CTNNA3: variants seen among roughly 807,000 people sequenced by gnomAD.
The protein encoded by CTNNA3 is catenin alpha 3, also known as catenin alpha-3.
A neutral mutation model predicts 95.7 loss-of-function variants in CTNNA3; 76 were observed. That is an observed-to-expected ratio of 0.79 (90% CI 0.66 to 0.96). CTNNA3 has a LOEUF of 0.96. Ranked by LOEUF, CTNNA3 falls within the 40% of genes least tolerant of loss-of-function variation. CTNNA3 has a pLI of 0.00. For synonymous variants in CTNNA3, 431 were observed against 374.4 expected (o/e 1.15, Z -1.74); for missense variants, 1,191 against 1,089.8 (o/e 1.09, Z -1.31).
intron 6 of CTNNA3, among the ~76,000 whole-genome samples, chr10:67,201,468 T>TA (rs1308084460): frequency 6.6e-6 from 1 of 152,006 alleles, no homozygotes; most frequent in African/African-American, 2.4e-5. Flanking sequence ...TTTTTATTAT[T>TA]TTTTTATTAT....
At chr10:65,947,108 G>GTTT (rs1564532074) in intron 17 of CTNNA3, among the ~76,000 whole-genome samples, 1 of 147,998 alleles carries the variant, frequency 6.8e-6, no homozygotes. Context: ...TTTTTTTGTA[G>GTTT]AATTCATCCA....
chr10:66,041,592 A>C (rs1449371017), intron 15 of CTNNA3, among the ~76,000 whole-genome samples: 1 of 152,218 alleles, frequency 6.6e-6, no homozygotes, highest in African/African-American at 2.4e-5. Flanking sequence ...AATAAAATGA[A>C]GGATGAGCAG....
At chr10:65,933,790 C>T (rs1370013324) in intron 17 of CTNNA3, among the ~76,000 whole-genome samples, 4 of 152,096 alleles carry the variant, frequency 2.6e-5, no homozygotes, top group Non-Finnish European at 5.9e-5. Context: ...GCCCATTTTT[C>T]CTTGATAATG....
intron 17 of CTNNA3, among the ~76,000 whole-genome samples, chr10:65,921,600 C>T (rs1286084099): frequency 1.3e-5 from 2 of 152,248 alleles, no homozygotes; most frequent in Admixed American, 1.3e-4. Flanking sequence ...GTGAACCTCA[C>T]TTCCACTGGT....
intron 13 of CTNNA3, among the ~76,000 whole-genome samples, chr10:66,138,511 T>C (rs932296336): frequency 6.6e-6 from 1 of 152,182 alleles, no homozygotes; most frequent in African/African-American, 2.4e-5. Context: ...ATTTTGCTCA[T>C]TTGATGATAA....
At chr10:66,027,744 A>C (rs960128347) in intron 15 of CTNNA3, among the ~76,000 whole-genome samples, 2 of 152,174 alleles carry the variant, frequency 1.3e-5, no homozygotes, top group Admixed American at 1.3e-4. Context: ...CATAGCAAAA[A>C]TGAGGCTAAT....
At chr10:66,930,376 G>A (rs1247562111) in intron 7 of CTNNA3, among the ~76,000 whole-genome samples, 2 of 152,150 alleles carry the variant, frequency 1.3e-5, no homozygotes, top group Admixed American at 6.5e-5. Flanking sequence ...CTGGATGACT[G>A]AGCTTATTGT....
At chr10:66,027,051 A>T (rs1414389628) in intron 15 of CTNNA3, among the ~76,000 whole-genome samples, 1 of 152,140 alleles carries the variant, frequency 6.6e-6, no homozygotes, top group African/African-American at 2.4e-5. Flanking sequence ...GGATTTAAAA[A>T]ATCATCTTAT....
intron 1 of CTNNA3, among the ~76,000 whole-genome samples, chr10:67,710,421 C>G (rs2133610470): frequency 6.6e-6 from 1 of 152,242 alleles, no homozygotes; most frequent in African/African-American, 2.4e-5. Flanking sequence ...GTTACTTATT[C>G]TGAGGGAGAA....
chr10:67,451,906 A>G (rs1846998933), intron 5 of CTNNA3, among the ~76,000 whole-genome samples: 1 of 152,134 alleles, frequency 6.6e-6, no homozygotes, highest in African/African-American at 2.4e-5. Context: ...TCTTTTATAT[A>G]CACTATCCAA....
At chr10:66,796,317 C>T (rs759804084) in intron 7 of CTNNA3, among the ~76,000 whole-genome samples, 5 of 151,996 alleles carry the variant, frequency 3.3e-5, no homozygotes, top group Non-Finnish European at 7.4e-5. Flanking sequence ...ATTTCTGTGT[C>T]TCAGGGAACA....
chr10:67,503,154 A>G (rs971027248), intron 5 of CTNNA3, among the ~76,000 whole-genome samples: 4 of 152,180 alleles, frequency 2.6e-5, no homozygotes, highest in African/African-American at 9.7e-5. Context: ...GGAAAAGCAT[A>G]GTGTCTGGGC....
chr10:67,178,394 C>T (rs1353529127), intron 7 of CTNNA3, among the ~76,000 whole-genome samples: 1 of 151,846 alleles, frequency 6.6e-6, no homozygotes, highest in African/African-American at 2.4e-5. Context: ...TTATAAGTAC[C>T]TCTTTATATA....
At chr10:67,244,756 C>G (rs748294244) in intron 5 of CTNNA3, among the ~76,000 whole-genome samples, 43 of 152,276 alleles carry the variant, frequency 2.8e-4, no homozygotes, top group Middle Eastern at 3.4e-3. Context: ...AAATGTACCA[C>G]GTAAAAGCTA....
chr10:66,494,690 T>C (rs1840043679), intron 11 of CTNNA3, among the ~76,000 whole-genome samples: 2 of 152,202 alleles, frequency 1.3e-5, no homozygotes, highest in African/African-American at 4.8e-5. Context: ...ATAGGAAATG[T>C]AATGACTCTA....
At chr10:67,531,887 T>C (rs141188122) in intron 4 of CTNNA3, among the ~76,000 whole-genome samples, 232 of 152,258 alleles carry the variant, frequency 1.5e-3, no homozygotes, top group African/African-American at 5.2e-3. Flanking sequence ...CTCATGATAG[T>C]GGAAGAGTCT....
intron 17 of CTNNA3, among the ~76,000 whole-genome samples, chr10:65,942,819 G>T (rs975210545): frequency 2.0e-5 from 3 of 152,062 alleles, no homozygotes; most frequent in East Asian, 1.9e-4. Flanking sequence ...AAAAAACCTA[G>T]ATTTAAATCT....
intron 1 of CTNNA3, among the ~76,000 whole-genome samples, chr10:67,726,837 AAT>A (rs1394605789): frequency 8.9e-6 from 1 of 112,732 alleles, no homozygotes; most frequent in Non-Finnish European, 1.6e-5. Context: ...TATCATATAT[AAT>A]ATATAGTATA....
At chr10:66,665,534 C>G (rs780791756) in intron 9 of CTNNA3, among the ~76,000 whole-genome samples, 2 of 152,130 alleles carry the variant, frequency 1.3e-5, no homozygotes, top group African/African-American at 2.4e-5. Flanking sequence ...ATTTAAACAA[C>G]ATAAATATCT....
Sources: gnomAD v4.1 joint callset for allele counts (sites outside exome capture counted in the v4.1 genomes callset) on GRCh38, gnomAD v4.1.1 for gene constraint, MANE v1.5 for transcripts, NCBI Gene and HGNC (gene_info 2026-07-23, HGNC 2026-07-21) for gene names.